The following TMEM87B variants were observed in gnomAD, a reference collection of about 807,000 sequenced individuals.
The protein encoded by TMEM87B is transmembrane protein 87B.
In TMEM87B, 83 loss-of-function variants were observed where a neutral mutation model predicts 80.3. That is an observed-to-expected ratio of 1.03 (90% CI 0.87 to 1.24). TMEM87B has a LOEUF of 1.24. Ranked by LOEUF, TMEM87B falls within the 50% of genes most tolerant of loss-of-function variation. The pLI, the probability that TMEM87B is intolerant of heterozygous loss-of-function variation, is 0.00. For missense variants in TMEM87B, 625 were observed against 674.4 expected (o/e 0.93, Z 0.81); for synonymous variants, 219 against 230.5 (o/e 0.95, Z 0.45).
chr2:112,099,344 G>A (rs1406694995), intron 14 of TMEM87B, among the ~76,000 whole-genome samples: 1 of 151,840 alleles, frequency 6.6e-6, no homozygotes, highest in Non-Finnish European at 1.5e-5. Flanking sequence ...GTGCTCATTG[G>A]AACATTTTGA....
chr2:112,108,436 A>T (rs561527271), intron 17 of TMEM87B, among the ~76,000 whole-genome samples: 1 of 152,298 alleles, frequency 6.6e-6, no homozygotes, highest in East Asian at 1.9e-4. Flanking sequence ...AATTGCCTTT[A>T]CATTTCTTTC....
At chr2:112,082,601 G>A (rs997534571) in intron 8 of TMEM87B, among the ~76,000 whole-genome samples, 1 of 151,980 alleles carries the variant, frequency 6.6e-6, no homozygotes, top group Admixed American at 6.6e-5. Flanking sequence ...ATAAAGAAAG[G>A]ACAAACATCC....
intron 4 of TMEM87B, among the ~76,000 whole-genome samples, chr2:112,071,570 G>A (rs1293047903): frequency 1.3e-5 from 2 of 152,066 alleles, no homozygotes; most frequent in Admixed American, 6.6e-5. Flanking sequence ...GCCTCCCAAA[G>A]TGCTGGGATT....
chr2:112,055,884 C>T, intron 1 of TMEM87B, 128 bp downstream of exon 1: 2 of 1,220,880 alleles, frequency 1.6e-6, no homozygotes, highest in Non-Finnish European at 2.2e-6. Context: ...TGATACCCTC[C>T]CTGAGCCTTT....
At chr2:112,105,968 G>T in intron 15 of TMEM87B, 34 bp from the exon 16 acceptor site, 4 of 1,408,524 alleles carry the variant, frequency 2.8e-6, no homozygotes, top group Non-Finnish European at 3.8e-6. Flanking sequence ...ATTATTTTGT[G>T]ATTTTATATA....
rs534856147 is a variant in TMEM87B at position 112,077,131 on chromosome 2, C to T, written c.502-61C>T. ...CTTTAAAATATGGCAAACAGTTGTT[C>T]AGCTATATTACATAGCAATTTGTTA... On this transcript the variant is annotated intron_variant, in intron 5 of 18. Transcript: ENST00000283206. 2.0e-3 allele frequency: 1,450 copies of T among 723,628 alleles called. 11 individuals are homozygous for T. The highest frequency in any genetic ancestry group is 1.4e-3 in the Non-Finnish European group (618 of 452,552). 44.8% of individuals were successfully genotyped at this position (723,628 alleles called of 1,614,324 possible).
rs377581623 is a variant in TMEM87B at position 112,097,019 on chromosome 2, A to C, written c.1105-25A>C. The stretch of plus-strand genomic sequence containing the variant: ...TTTTTAACCTCTTATTATTACTTGG[A>C]ATGTTTTTCCTTAACTTTTTTCACA... On this transcript the variant is annotated intron_variant, in intron 11 of 18. Coordinates refer to ENST00000283206, the MANE Select transcript of TMEM87B (RefSeq NM_032824.3). The C allele has an allele frequency of 2.3e-4, 332 of 1,447,862 alleles. 1 individual carries two copies. Among genetic ancestry groups the C allele is most frequent in the Non-Finnish European group, 3.1e-4 (322 of 1,048,876 alleles). The allele number at this position is 1,447,862 out of a possible 1,614,324, so 89.7% of individuals were successfully genotyped here.
intron 11 of TMEM87B, among the ~76,000 whole-genome samples, chr2:112,096,731 G>C (rs1354341954): frequency 6.6e-6 from 1 of 152,258 alleles, no homozygotes; most frequent in Non-Finnish European, 1.5e-5. Context: ...ACTTAGAGGG[G>C]TTTTAGTGCG....
chr2:112,069,049 G>A (rs951480702), intron 4 of TMEM87B, among the ~76,000 whole-genome samples: 3 of 151,324 alleles, frequency 2.0e-5, no homozygotes, highest in East Asian at 2.0e-4. Context: ...AAAATTAGCC[G>A]GGCGCGGTGG....
chr2:112,080,952 C>T (rs1017419944), intron 6 of TMEM87B, 105 bp from the exon 7 acceptor site: 2 of 926,356 alleles, frequency 2.2e-6, no homozygotes, highest in African/African-American at 3.3e-5. Context: ...ACAAATTCAG[C>T]ATTTGTTAGT....
At chr2:112,067,136 T>C in intron 4 of TMEM87B, 69 bp downstream of exon 4, 2 of 1,554,674 alleles carry the variant, frequency 1.3e-6, no homozygotes, top group Non-Finnish European at 1.7e-6. Context: ...ACTGAAGTAA[T>C]GTTTTATCGG....
intron 3 of TMEM87B, among the ~76,000 whole-genome samples, chr2:112,066,523 C>T (rs993551486): frequency 5.3e-5 from 8 of 152,178 alleles, no homozygotes; most frequent in African/African-American, 1.9e-4. Flanking sequence ...CACTCAGCTA[C>T]CTTTGCTGTA....
intron 2 of TMEM87B, among the ~76,000 whole-genome samples, chr2:112,062,484 C>G (rs1011178044): frequency 1.3e-5 from 2 of 152,202 alleles, no homozygotes; most frequent in Admixed American, 6.5e-5. Flanking sequence ...CTTCCTCAAC[C>G]TGATAAAAGG....
At chr2:112,105,128 A>AAC (rs1679730983) in intron 15 of TMEM87B, among the ~76,000 whole-genome samples, 1 of 150,722 alleles carries the variant, frequency 6.6e-6, no homozygotes. Context: ...TAAAATTTGT[A>AAC]ATATATATAT....
At chr2:112,082,369 A>C (rs1573703454) in intron 8 of TMEM87B, among the ~76,000 whole-genome samples, 1 of 152,164 alleles carries the variant, frequency 6.6e-6, no homozygotes, top group Non-Finnish European at 1.5e-5. Context: ...TGATCTGCCC[A>C]CCTCAGCCTC....
At chr2:112,067,426 C>T (rs1351247768) in intron 4 of TMEM87B, among the ~76,000 whole-genome samples, 1 of 151,954 alleles carries the variant, frequency 6.6e-6, no homozygotes, top group Non-Finnish European at 1.5e-5. Flanking sequence ...TGGTGAAACC[C>T]CATCTCTACT....
intron 13 of TMEM87B, among the ~76,000 whole-genome samples, chr2:112,097,818 T>A (rs72942018): frequency 0.053 from 8,043 of 151,950 alleles, 387 homozygotes; most frequent in African/African-American, 0.13. Context: ...AAGTTTTTTT[T>A]ATATATTTTG....
chr2:112,089,502 AACAG>A (rs1679239378), intron 9 of TMEM87B, 119 bp from the exon 10 acceptor site: 1 of 832,854 alleles, frequency 1.2e-6, no homozygotes, highest in African/African-American at 1.7e-5. Flanking sequence ...CAGAGCCGGG[AACAG>A]ACTGATGTGA....
chr2:112,080,970 G>C (rs1336769268), intron 6 of TMEM87B, 87 bp from the exon 7 acceptor site: 1 of 1,152,768 alleles, frequency 8.7e-7, no homozygotes, highest in Non-Finnish European at 1.3e-6. Context: ...AGTGTGGTTT[G>C]TATTCTTGGA....
Sources: gnomAD v4.1 joint callset for allele counts (sites outside exome capture counted in the v4.1 genomes callset) on GRCh38, gnomAD v4.1.1 for gene constraint, MANE v1.5 for transcripts, NCBI Gene and HGNC (gene_info 2026-07-23, HGNC 2026-07-21) for gene names.